The following MACIR variants were observed in gnomAD, a reference collection of about 807,000 sequenced individuals.
MACIR encodes the protein UNC119-binding protein C5orf30.
MACIR carries 4 observed loss-of-function variants against 14.3 expected under a neutral mutation model. The ratio of observed to expected loss-of-function variants is 0.28; its 90% CI spans 0.14 to 0.64. MACIR has a LOEUF of 0.64. MACIR is among the 30% of genes least tolerant of loss of function. MACIR has a pLI of 0.83. For missense variants in MACIR, 228 were observed against 257.6 expected, an observed-to-expected ratio of 0.89 and a Z score of 0.79; for synonymous variants, 101 against 102.4, an observed-to-expected ratio of 0.99 and a Z score of 0.08.
chr5:103,266,905 A>G (rs1313909054), intron 2 of MACIR, among the ~76,000 whole-genome samples: 1 of 152,178 alleles, frequency 6.6e-6, no homozygotes, highest in Non-Finnish European at 1.5e-5. Flanking sequence ...TGCATTTTCG[A>G]ACATTGGAAA....
intron 1 of MACIR, chr5:103,259,343 C>G (rs1292503634): frequency 3.3e-5 from 5 of 151,962 alleles, no homozygotes; most frequent in African/African-American, 1.2e-4. Flanking sequence ...GGTGCGGGGA[C>G]TCGGCGACCC....
intron 1 of MACIR, among the ~76,000 whole-genome samples, chr5:103,265,126 G>A (rs1804877164): frequency 1.3e-5 from 2 of 152,016 alleles, no homozygotes; most frequent in Admixed American, 1.3e-4. Context: ...TAACTTCCCA[G>A]GTAAGAGAGG....
rs782700400 is a variant in MACIR, at chr5:103,276,501, C to T, written c.582C>T (p.Thr194=). The T allele has an allele frequency of 1.2e-6, 2 of 1,612,840 alleles. No homozygotes were observed. The highest frequency in any genetic ancestry group is 1.3e-5 in the African/African-American group (1 of 74,870). Residue 194 remains threonine, a synonymous_variant, in exon 3 of 3, where the codon ACC becomes ACT. Transcript: ENST00000319933. ...TACAGTACCAGCTTCAACACCTAACCCTCCGAGGGGACCGTGTGTTTGCTA... is the reference window on the plus strand; with the variant it reads ...TACAGTACCAGCTTCAACACCTAACTCTCCGAGGGGACCGTGTGTTTGCTA... The part of the protein sequence containing the change: ...EVLQYQLQHL[T]LRGDRVFARN...
chr5:103,262,055 C>G (rs1804749202), intron 1 of MACIR, among the ~76,000 whole-genome samples: 1 of 152,080 alleles, frequency 6.6e-6, no homozygotes, highest in Non-Finnish European at 1.5e-5. Context: ...TTTGTATGGA[C>G]ATAAACATTT....
At chr5:103,268,769 C>A (rs1805017702) in intron 2 of MACIR, among the ~76,000 whole-genome samples, 1 of 152,014 alleles carries the variant, frequency 6.6e-6, no homozygotes, top group Admixed American at 6.6e-5. Context: ...AGAAGCACAA[C>A]ATGGACTTGG....
intron 1 of MACIR, chr5:103,259,276 G>C (rs1554235941): frequency 6.6e-6 from 1 of 152,232 alleles, no homozygotes; most frequent in African/African-American, 2.4e-5. Flanking sequence ...TGTGCAGCGC[G>C]TGTGAGTGTG....
rs1278952054 is a variant in MACIR, at chr5:103,276,453, G to A, written c.534G>A (p.Lys178=). The A allele has an allele frequency of 1.9e-6, 3 of 1,613,864 alleles. No individual in the cohort carries two copies. The highest frequency in any genetic ancestry group is 2.5e-6 in the Non-Finnish European group (3 of 1,180,008). ...LDYLNLDKMI[K]EPADTEVLQY... Reference sequence around the variant, plus strand: ...ACCTCAATCTAGATAAAATGATCAAGGAGCCAGCTGATACAGAAGTGCTAC... The same window carrying A: ...ACCTCAATCTAGATAAAATGATCAAAGAGCCAGCTGATACAGAAGTGCTAC... Residue 178 remains lysine (K), a synonymous_variant, in exon 3 of 3, where the codon AAG becomes AAA. Transcript: ENST00000319933.
chr5:103,267,638 T>C (rs782059330), intron 2 of MACIR, among the ~76,000 whole-genome samples: 1 of 152,148 alleles, frequency 6.6e-6, no homozygotes, highest in East Asian at 1.9e-4. Flanking sequence ...GATTCCAAAA[T>C]TATACGGTAC....
intron 2 of MACIR, among the ~76,000 whole-genome samples, chr5:103,275,653 A>G (rs1018831173): frequency 1.3e-5 from 2 of 152,150 alleles, no homozygotes; most frequent in Non-Finnish European, 2.9e-5. Flanking sequence ...TTGCTTCTCC[A>G]TCTGAACTTT....
upstream of MACIR, among the ~76,000 whole-genome samples, chr5:103,258,480 A>G (rs913950842): frequency 2.0e-5 from 3 of 151,928 alleles, no homozygotes; most frequent in East Asian, 1.9e-4. Context: ...GGTTTAGACT[A>G]GAGAGCGGGT....
chr5:103,276,724 G>A lies in MACIR; in HGVS notation c.*184G>A, dbSNP rs925171632. ...AATGAAATCACAGGTACTTGGGGGG[G>A]GGATATCATTCTAGAGCACGCAACT... On this transcript the variant is annotated 3_prime_UTR_variant, in exon 3 of 3. Transcript: ENST00000319933. 1.6e-5 allele frequency: 8 copies of A among 510,148 alleles called. No homozygotes were observed. The highest frequency in any genetic ancestry group is 3.7e-5 in the Admixed American group (1 of 26,944). 31.6% of individuals were successfully genotyped at this position (510,148 alleles called of 1,614,324 possible).
chr5:103,274,584 G>A lies in MACIR; in HGVS notation c.-23-1313G>A, dbSNP rs566967322. 2.0e-5 allele frequency among the ~76,000 whole-genome samples: 3 copies of A among 151,412 alleles called. No individual in the cohort carries two copies. The East Asian group carries it at 5.8e-4, about 29-fold the overall frequency. On this transcript the variant is annotated intron_variant, in intron 2 of 2. Transcript: ENST00000319933. ...CAGTGGGGATCATAGGAAGGACAGC[G>A]TGGTATCTGGTAACTTCACAATCTC...
rs1307756420 is a variant in MACIR at position 103,258,861 on chromosome 5, C to G, written c.-149C>G. 1.3e-5 allele frequency: 2 copies of G among 152,336 alleles called. No individual in the cohort carries two copies. Among genetic ancestry groups the G allele is most frequent in the Admixed American group, 6.5e-5 (1 of 15,288 alleles). 9.4% of individuals were successfully genotyped at this position (152,336 alleles called of 1,614,324 possible). On this transcript the variant is annotated 5_prime_UTR_variant, in exon 1 of 3. Coordinates refer to ENST00000319933, the MANE Select transcript of MACIR (RefSeq NM_033211.4). ...GCCCCTGTCTCCCGCTCCGCAGCCC[C>G]GGGCACGGCGGAGGCAGCGGAGCCC...
chr5:103,267,692 T>C (rs1288885368), intron 2 of MACIR, among the ~76,000 whole-genome samples: 2 of 152,178 alleles, frequency 1.3e-5, no homozygotes, highest in Non-Finnish European at 2.9e-5. Context: ...CGTGGAAATA[T>C]GTGACAAAGA....
chr5:103,258,704 A>G (rs445774), upstream of MACIR: 279 of 147,184 alleles, frequency 1.9e-3, 10 homozygotes, highest in South Asian at 0.048. Flanking sequence ...GCGGAGGAGG[A>G]GGCGGAGGAG....
At chr5:103,264,915 C>T (rs1490522897) in intron 1 of MACIR, among the ~76,000 whole-genome samples, 4 of 152,024 alleles carry the variant, frequency 2.6e-5, no homozygotes, top group Non-Finnish European at 4.4e-5. Flanking sequence ...TTCTTGGGCT[C>T]TGTGCACCTA....
rs75738699 is a variant in MACIR, at chr5:103,276,801, A to T, written c.*261A>T. The T allele has an allele frequency of 1.2e-4, 39 of 326,604 alleles. 1 individual carries two copies. In the South Asian group the frequency reaches 4.1e-3, roughly 35 times the overall value. The allele number at this position is 326,604 out of a possible 1,614,324, so 20.2% of individuals were successfully genotyped here. On this transcript the variant is annotated 3_prime_UTR_variant, in exon 3 of 3. Transcript: ENST00000319933. ...AGTTTGTATAGCTTTTTAGCTAGGA[A>T]AAAAAGGCTTTGGTACAGTAATTTC...
At chr5:103,274,273 T>A (rs1805239932) in intron 2 of MACIR, among the ~76,000 whole-genome samples, 1 of 152,008 alleles carries the variant, frequency 6.6e-6, no homozygotes. Flanking sequence ...TAAGAAGTCT[T>A]ATATGCATAT....
intron 1 of MACIR, among the ~76,000 whole-genome samples, chr5:103,260,559 G>C (rs1233647382): frequency 1.3e-5 from 2 of 152,158 alleles, no homozygotes; most frequent in African/African-American, 4.8e-5. Flanking sequence ...AATAATTGAT[G>C]TATAGAATAT....
Sources: gnomAD v4.1 joint callset for allele counts (sites outside exome capture counted in the v4.1 genomes callset) on GRCh38, gnomAD v4.1.1 for gene constraint, MANE v1.5 for transcripts, NCBI Gene and HGNC (gene_info 2026-07-23, HGNC 2026-07-21) for gene names.